COL22A1: variants seen among roughly 807,000 people sequenced by gnomAD.
COL22A1 encodes the protein collagen alpha-1(XXII) chain.
Under a neutral mutation model 248.9 loss-of-function variants are expected in COL22A1, and 221 were observed. That is an observed-to-expected ratio of 0.89 (90% CI 0.80 to 0.99). The LOEUF is 0.99. Ranked by LOEUF, COL22A1 falls within the 50% of genes least tolerant of loss-of-function variation. The pLI is 0.00. For missense variants in COL22A1, 2,240 were observed against 2,179.0 expected (o/e 1.03, Z -0.56); for synonymous variants, 891 against 793.4 (o/e 1.12, Z -2.07).
chr8:138,865,033 T>C (rs1237260876), intron 3 of COL22A1, among the ~76,000 whole-genome samples: 1 of 152,204 alleles, frequency 6.6e-6, no homozygotes, highest in Admixed American at 6.5e-5. Context: ...GTTAGATTGA[T>C]GTAAATAAGA....
chr8:138,859,767 T>TA (rs1822313282), intron 3 of COL22A1, among the ~76,000 whole-genome samples: 1 of 152,162 alleles, frequency 6.6e-6, no homozygotes, highest in Non-Finnish European at 1.5e-5. Flanking sequence ...AGGGGCATGC[T>TA]AAGGGATGGG....
chr8:138,615,342 C>T (rs1162493374), intron 55 of COL22A1, among the ~76,000 whole-genome samples: 1 of 152,084 alleles, frequency 6.6e-6, no homozygotes, highest in Admixed American at 6.5e-5. Context: ...ACCAGCCTGA[C>T]CAACAAGGTG....
chr8:138,844,075 T>A lies in COL22A1; in HGVS notation c.733+9A>T. 6.2e-7 allele frequency: 1 copy of A among 1,613,032 alleles called. No homozygotes were observed. The highest frequency in any genetic ancestry group is 8.5e-7 in the Non-Finnish European group (1 of 1,178,956). ...AAGCAAGCACACGTGGTTATTGTTT[T>A]TCCCTTACCTGTGATTTCCTTGGTT... On this transcript the variant is annotated intron_variant, in intron 4 of 64. Transcript: ENST00000303045.
chr8:138,774,314 A>T (rs1814191972), intron 16 of COL22A1, among the ~76,000 whole-genome samples: 2 of 152,244 alleles, frequency 1.3e-5, no homozygotes, highest in Admixed American at 1.3e-4. Context: ...ATTTGCTTTG[A>T]CCAGTAATTT....
At chr8:138,869,033 G>A (rs965843837) in intron 3 of COL22A1, among the ~76,000 whole-genome samples, 1 of 152,146 alleles carries the variant, frequency 6.6e-6, no homozygotes, top group Non-Finnish European at 1.5e-5. Flanking sequence ...ACCCAGCCCA[G>A]CATCCTCTTC....
chr8:138,792,758 G>A (rs1816177453), intron 12 of COL22A1, among the ~76,000 whole-genome samples: 2 of 152,184 alleles, frequency 1.3e-5, no homozygotes, highest in African/African-American at 4.8e-5. Context: ...TGCTGTTGTT[G>A]TTCCTGTTAT....
chr8:138,683,745 C>G (rs1348805305), intron 39 of COL22A1, among the ~76,000 whole-genome samples: 1 of 151,964 alleles, frequency 6.6e-6, no homozygotes, highest in African/African-American at 2.4e-5. Context: ...AGCAAGACTC[C>G]CATAGACCTA....
chr8:138,646,252 T>A (rs983174492), intron 47 of COL22A1, among the ~76,000 whole-genome samples: 14 of 152,310 alleles, frequency 9.2e-5, no homozygotes, highest in Admixed American at 9.2e-4. Flanking sequence ...GAGTGCCACA[T>A]CCTTTTTATG....
At chr8:138,774,572 C>T (rs1814232982) in intron 16 of COL22A1, among the ~76,000 whole-genome samples, 1 of 152,022 alleles carries the variant, frequency 6.6e-6, no homozygotes, top group Non-Finnish European at 1.5e-5. Flanking sequence ...GCGCCCGCCA[C>T]CAAGCCCGGC....
chr8:138,778,512 C>T (rs1470492176), intron 14 of COL22A1, 106 bp from the exon 15 acceptor site: 6 of 973,450 alleles, frequency 6.2e-6, no homozygotes, highest in Non-Finnish European at 9.1e-6. Context: ...GCTGCTAGCT[C>T]ACCTCTCACC....
At chr8:138,670,043 C>T (rs1824877719) in intron 41 of COL22A1, among the ~76,000 whole-genome samples, 1 of 152,046 alleles carries the variant, frequency 6.6e-6, no homozygotes, top group Admixed American at 6.5e-5. Context: ...CCCACCACCA[C>T]ACCCAGCTAA....
At chr8:138,728,422 C>A (rs931741598) in intron 23 of COL22A1, among the ~76,000 whole-genome samples, 9 of 152,090 alleles carry the variant, frequency 5.9e-5, no homozygotes, top group Non-Finnish European at 8.8e-5. Flanking sequence ...TCTTTGTTAG[C>A]AGTCTGAATG....
chr8:138,774,550 C>T (rs570480658), intron 16 of COL22A1, among the ~76,000 whole-genome samples: 1 of 151,950 alleles, frequency 6.6e-6, no homozygotes, highest in South Asian at 2.1e-4. Context: ...TCCCGAGTAG[C>T]TGGGACTACA....
chr8:138,594,625 G>GGGT (rs1817372455), intron 62 of COL22A1, among the ~76,000 whole-genome samples: 1 of 152,192 alleles, frequency 6.6e-6, no homozygotes, highest in Admixed American at 6.5e-5. Context: ...CCACTGGGCT[G>GGGT]GAATGAGGAT....
chr8:138,747,301 C>T (rs117212685), intron 22 of COL22A1, among the ~76,000 whole-genome samples: 3,729 of 152,300 alleles, frequency 0.024, 66 homozygotes, highest in Non-Finnish European at 0.035. Context: ...GTCCTTTCTA[C>T]TTTTGTGTAT....
At chr8:138,712,276 A>C (rs951191844) in intron 30 of COL22A1, among the ~76,000 whole-genome samples, 1 of 152,218 alleles carries the variant, frequency 6.6e-6, no homozygotes, top group Non-Finnish European at 1.5e-5. Flanking sequence ...TGCTCTTTCT[A>C]CTAAGCTGCA....
At position 138,679,647 on chromosome 8, in the gene COL22A1, T is replaced by A. The variant is rs372981723; in HGVS notation, c.3042A>T (p.Glu1014Asp). The A allele has an allele frequency of 6.2e-7, 1 of 1,614,046 alleles. No homozygotes were observed. The highest frequency in any genetic ancestry group is 8.5e-7 in the Non-Finnish European group (1 of 1,180,030). Reference protein sequence around the residue: ...KAACGKVRGSENCALGGQCVK... With the variant: ...KAACGKVRGSDNCALGGQCVK... Reference sequence around the variant, plus strand: ...CACATTGCCCTCCCAGTGCACAGTTTTCTGACCCTCTGACTTTTCCGCAAG... The same window carrying A: ...CACATTGCCCTCCCAGTGCACAGTTATCTGACCCTCTGACTTTTCCGCAAG... Residue 1014 changes from glutamate (E) to aspartate (D), a missense_variant, in exon 40 of 65, where the codon GAA becomes GAT. By Grantham distance (45) the Glu-to-Asp change is conservative. Transcript: ENST00000303045.
intron 1 of COL22A1, among the ~76,000 whole-genome samples, chr8:138,898,148 A>G (rs1814265340): frequency 6.6e-6 from 1 of 152,206 alleles, no homozygotes; most frequent in Admixed American, 6.5e-5. Context: ...AGATTTCAAT[A>G]TATGAATTTC....
At chr8:138,862,589 C>A (rs1276560907) in intron 3 of COL22A1, among the ~76,000 whole-genome samples, 1 of 152,122 alleles carries the variant, frequency 6.6e-6, no homozygotes, top group Non-Finnish European at 1.5e-5. Flanking sequence ...ATTATAACTT[C>A]CAGCTATAAT....
Sources: allele counts gnomAD v4.1 joint callset (sites outside exome capture counted in the v4.1 genomes callset), GRCh38; gene constraint gnomAD v4.1.1; transcripts MANE v1.5; gene names NCBI Gene and HGNC (gene_info 2026-07-23, HGNC 2026-07-21).